The following XNDC1N variants were observed in gnomAD, a reference collection of about 807,000 sequenced individuals.
XNDC1N encodes XRCC1 N-terminal domain containing 1, N-terminal like, also known as protein XNDC1N.
the XNDC1N span, among the ~76,000 whole-genome samples, chr11:71,899,182 T>C: frequency 3.2e-4 from 48 of 152,274 alleles, no homozygotes; most frequent in Non-Finnish European, 6.6e-4. Flanking sequence ...AAATAGTCAG[T>C]CTGTGCCTCC....
At chr11:71,901,458 C>T in the XNDC1N span, among the ~76,000 whole-genome samples, 2 of 151,850 alleles carry the variant, frequency 1.3e-5, no homozygotes, top group Non-Finnish European at 2.9e-5. Flanking sequence ...AATGAGCCAG[C>T]CGTAGTGGCG....
chr11:71,920,496 G>A, the XNDC1N span, among the ~76,000 whole-genome samples: 3 of 150,900 alleles, frequency 2.0e-5, no homozygotes, highest in Non-Finnish European at 4.4e-5. Context: ...TAGTAGAAAC[G>A]GTTTCTCCAT....
chr11:71,892,167 G>A, the XNDC1N span, among the ~76,000 whole-genome samples: 2 of 151,984 alleles, frequency 1.3e-5, no homozygotes, highest in Non-Finnish European at 2.9e-5. Flanking sequence ...ATCTTCCTAG[G>A]GTATTACGAA....
chr11:71,885,984 CAATT>C, the XNDC1N span, among the ~76,000 whole-genome samples: 3,545 of 151,952 alleles, frequency 0.023, 62 homozygotes, highest in Middle Eastern at 0.041. Context: ...TTATTAGTGT[CAATT>C]AATAATTGAG....
At chr11:71,916,574 G>A in the XNDC1N span, 3 of 261,738 alleles carry the variant, frequency 1.1e-5, no homozygotes, top group Non-Finnish European at 2.2e-5. Flanking sequence ...TACCTGCAGA[G>A]TAAGGACCCA....
At chr11:71,927,775 G>A in the XNDC1N span, 1 of 152,160 alleles carries the variant, frequency 6.6e-6, no homozygotes, top group Non-Finnish European at 1.5e-5. Context: ...GTCAATTTAG[G>A]GTGATGGGTG....
the XNDC1N span, among the ~76,000 whole-genome samples, chr11:71,905,406 T>A: frequency 5.8e-4 from 88 of 151,638 alleles, no homozygotes; most frequent in African/African-American, 2.0e-3. Flanking sequence ...CCCCTGTGAC[T>A]TTAAAAGTAA....
the XNDC1N span, among the ~76,000 whole-genome samples, chr11:71,912,795 C>G: frequency 7.2e-5 from 11 of 152,168 alleles, no homozygotes; most frequent in Non-Finnish European, 1.3e-4. Context: ...ATTGTCTCTC[C>G]CCTAGATATT....
chr11:71,888,354 A>C, the XNDC1N span, among the ~76,000 whole-genome samples: 1 of 150,362 alleles, frequency 6.7e-6, no homozygotes, highest in Non-Finnish European at 1.5e-5. Context: ...TTTGTAGACT[A>C]TGGATCCCAA....
the XNDC1N span, among the ~76,000 whole-genome samples, chr11:71,866,174 T>C: frequency 1.3e-5 from 2 of 152,004 alleles, no homozygotes; most frequent in African/African-American, 4.8e-5. Context: ...GCTGTGCTTG[T>C]TGTTATAAAT....
At chr11:71,906,687 A>T in the XNDC1N span, among the ~76,000 whole-genome samples, 3 of 152,180 alleles carry the variant, frequency 2.0e-5, no homozygotes, top group African/African-American at 7.2e-5. Context: ...TAAAAGGTGT[A>T]CAGGACCTGT....
the XNDC1N span, chr11:71,928,521 G>A: frequency 1.4e-6 from 1 of 702,548 alleles, no homozygotes; most frequent in East Asian, 2.7e-5. Context: ...GCTTCAAGAA[G>A]CTGCTGTTTT....
At chr11:71,924,030 G>A in the XNDC1N span, among the ~76,000 whole-genome samples, 1 of 152,048 alleles carries the variant, frequency 6.6e-6, no homozygotes, top group African/African-American at 2.4e-5. Context: ...AGTTCTCAAG[G>A]GCATGAATTG....
chr11:71,887,192 C>T, the XNDC1N span, among the ~76,000 whole-genome samples: 76 of 152,274 alleles, frequency 5.0e-4, 1 homozygote, highest in South Asian at 4.2e-4. Context: ...CTAGTAACCG[C>T]CCCGGTCGCC....
chr11:71,884,374 T>C, the XNDC1N span: 1 of 1,539,812 alleles, frequency 6.5e-7, no homozygotes, highest in Non-Finnish European at 8.8e-7. Context: ...GTAAGTAATA[T>C]TGTGTCATAT....
chr11:71,894,919 C>T, the XNDC1N span, among the ~76,000 whole-genome samples: 2 of 152,210 alleles, frequency 1.3e-5, no homozygotes, highest in Non-Finnish European at 2.9e-5. Context: ...AAATTCATAT[C>T]CTCTTCCACA....
chr11:71,878,032 A>G, the XNDC1N span, among the ~76,000 whole-genome samples: 1 of 152,240 alleles, frequency 6.6e-6, no homozygotes, highest in African/African-American at 2.4e-5. Context: ...GCATGCTAAC[A>G]CACGGTGCCA....
chr11:71,903,725 G>A, the XNDC1N span: 2 of 381,612 alleles, frequency 5.2e-6, no homozygotes, highest in South Asian at 2.2e-5. Flanking sequence ...CCTGCTTCAA[G>A]GATGTGGAAA....
At chr11:71,868,470 T>G in the XNDC1N span, among the ~76,000 whole-genome samples, 1 of 152,314 alleles carries the variant, frequency 6.6e-6, no homozygotes, top group African/African-American at 2.4e-5. Context: ...TTAAGGCATG[T>G]CTGATGGTAA....
Sources: gnomAD v4.1 joint callset for allele counts (sites outside exome capture counted in the v4.1 genomes callset) on GRCh38, gnomAD v4.1.1 for gene constraint, MANE v1.5 for transcripts, NCBI Gene and HGNC (gene_info 2026-07-23, HGNC 2026-07-21) for gene names.